MAML2: variants seen among roughly 807,000 people sequenced by gnomAD.
MAML2 encodes mastermind-like protein 2.
Under a neutral mutation model 96.1 loss-of-function variants are expected in MAML2, and 22 were observed. The observed-to-expected ratio is 0.23, with a 90% CI of 0.16 to 0.33. The LOEUF (loss-of-function observed/expected upper bound fraction) is 0.33, where lower values mean the gene tolerates loss of function less well. Ranked by LOEUF, MAML2 falls within the 10% of genes least tolerant of loss-of-function variation. The pLI, the probability that MAML2 is intolerant of heterozygous loss-of-function variation, is 1.00. For missense variants in MAML2, 1,367 were observed against 1,392.4 expected (o/e 0.98, Z 0.29); for synonymous variants, 561 against 521.3 (o/e 1.08, Z -1.04).
At chr11:96,142,409 A>G (rs1021877135) in intron 1 of MAML2, among the ~76,000 whole-genome samples, 5 of 152,200 alleles carry the variant, frequency 3.3e-5, no homozygotes, top group African/African-American at 9.6e-5. Context: ...TTAAACTGGT[A>G]TGACTGGAAA....
intron 1 of MAML2, among the ~76,000 whole-genome samples, chr11:96,206,648 G>A (rs1861900342): frequency 1.3e-5 from 2 of 152,146 alleles, no homozygotes; most frequent in Non-Finnish European, 1.5e-5. Flanking sequence ...GGTTCATCAG[G>A]AAACCCATTT....
At chr11:96,297,319 A>G (rs948849294) in intron 1 of MAML2, among the ~76,000 whole-genome samples, 1 of 152,226 alleles carries the variant, frequency 6.6e-6, no homozygotes, top group Non-Finnish European at 1.5e-5. Context: ...TTATGCCTAT[A>G]ATCCCAGCAC....
intron 1 of MAML2, among the ~76,000 whole-genome samples, chr11:96,119,588 A>G (rs1860300619): frequency 6.6e-6 from 1 of 152,210 alleles, no homozygotes; most frequent in Non-Finnish European, 1.5e-5. Flanking sequence ...TATGGCAACA[A>G]TAGGAAACTA....
At chr11:96,197,347 C>T (rs1861747044) in intron 1 of MAML2, among the ~76,000 whole-genome samples, 1 of 152,124 alleles carries the variant, frequency 6.6e-6, no homozygotes, top group African/African-American at 2.4e-5. Context: ...AGCTGTAAAT[C>T]CAGCCTTAGT....
intron 2 of MAML2, among the ~76,000 whole-genome samples, chr11:96,011,823 T>C (rs1858271616): frequency 6.6e-6 from 1 of 152,234 alleles, no homozygotes; most frequent in African/African-American, 2.4e-5. Context: ...CCAAGACATA[T>C]TCCCACCTCT....
intron 1 of MAML2, among the ~76,000 whole-genome samples, chr11:96,166,083 T>G (rs1177173160): frequency 1.3e-5 from 2 of 151,968 alleles, no homozygotes; most frequent in Non-Finnish European, 2.9e-5. Context: ...TCTCTCGCTC[T>G]CTCTCTCTGT....
intron 1 of MAML2, among the ~76,000 whole-genome samples, chr11:96,207,010 A>G (rs573579875): frequency 7.2e-5 from 11 of 152,376 alleles, no homozygotes; most frequent in Admixed American, 5.9e-4. Context: ...GCAAAAACGC[A>G]GTAAATTTAA....
intron 1 of MAML2, among the ~76,000 whole-genome samples, chr11:96,255,102 T>C (rs1015929214): frequency 6.6e-6 from 1 of 152,082 alleles, no homozygotes; most frequent in Non-Finnish European, 1.5e-5. Context: ...AGTGCTGGGA[T>C]TACAGGCGCA....
At position 96,091,886 on chromosome 11, in the gene MAML2, C is replaced by T. The variant is rs1478364045; in HGVS notation, c.2139+6G>A. Reference sequence around the variant, plus strand: ...AACTCTGTATTTGGAGTAGTAGAGCCCTTACCTGTCTCTGTTGTTGGGAGA... The same window carrying T: ...AACTCTGTATTTGGAGTAGTAGAGCTCTTACCTGTCTCTGTTGTTGGGAGA... On this transcript the variant is annotated splice_donor_region_variant and intron_variant, in intron 2 of 4. Coordinates refer to ENST00000524717, the MANE Select transcript of MAML2 (RefSeq NM_032427.4). 1 of 1,611,054 alleles carries T rather than the reference C, an allele frequency of 6.2e-7. No homozygotes were observed. Among genetic ancestry groups the T allele is most frequent in the South Asian group, 1.1e-5 (1 of 90,278 alleles).
At chr11:96,277,164 T>G (rs12576734) in intron 1 of MAML2, among the ~76,000 whole-genome samples, 52,083 of 152,100 alleles carry the variant, frequency 0.34, 9,662 homozygotes, top group East Asian at 0.51. Context: ...AGAAAAGGCA[T>G]GTAGAGGATA....
chr11:96,249,417 C>G (rs538034718), intron 1 of MAML2, among the ~76,000 whole-genome samples: 1 of 152,246 alleles, frequency 6.6e-6, no homozygotes, highest in South Asian at 2.1e-4. Context: ...TTCCAGCTTA[C>G]TTATTCCCCT....
chr11:96,224,151 C>T (rs1472994059), intron 1 of MAML2, among the ~76,000 whole-genome samples: 1 of 152,120 alleles, frequency 6.6e-6, no homozygotes, highest in African/African-American at 2.4e-5. Flanking sequence ...CACCCACACC[C>T]AGAAGGTTTA....
chr11:96,308,770 G>A (rs1002025102), intron 1 of MAML2, among the ~76,000 whole-genome samples: 1 of 152,146 alleles, frequency 6.6e-6, no homozygotes, highest in Admixed American at 6.5e-5. Context: ...TTGTTTGCTT[G>A]TTTCTTATAT....
chr11:96,093,542 G>C, intron 1 of MAML2, 25 bp from the exon 2 acceptor site: 1 of 1,449,730 alleles, frequency 6.9e-7, no homozygotes, highest in South Asian at 1.3e-5. Flanking sequence ...GGAATAAAAA[G>C]GAAAAATAAG....
chr11:96,264,067 T>C (rs974382486), intron 1 of MAML2, among the ~76,000 whole-genome samples: 1 of 152,234 alleles, frequency 6.6e-6, no homozygotes, highest in Non-Finnish European at 1.5e-5. Flanking sequence ...AAGCCAAGTA[T>C]GGACTAGAGT....
intron 1 of MAML2, among the ~76,000 whole-genome samples, chr11:96,161,151 G>A (rs1468806497): frequency 6.6e-6 from 1 of 152,208 alleles, no homozygotes; most frequent in African/African-American, 2.4e-5. Flanking sequence ...AGGAGAGTGG[G>A]AAGTGTCCCT....
intron 2 of MAML2, among the ~76,000 whole-genome samples, chr11:96,021,948 G>C (rs1858442865): frequency 6.6e-6 from 1 of 152,108 alleles, no homozygotes; most frequent in Non-Finnish European, 1.5e-5. Flanking sequence ...TGAAAGTAAG[G>C]CTTTGCCTCT....
At chr11:96,274,172 T>A (rs1029245995) in intron 1 of MAML2, among the ~76,000 whole-genome samples, 1 of 143,366 alleles carries the variant, frequency 7.0e-6, no homozygotes, top group African/African-American at 2.5e-5. Context: ...AAGCTCCGCC[T>A]CGCGGGTTCA....
At chr11:96,023,355 C>T (rs1178413583) in intron 2 of MAML2, among the ~76,000 whole-genome samples, 3 of 152,144 alleles carry the variant, frequency 2.0e-5, no homozygotes, top group Non-Finnish European at 4.4e-5. Flanking sequence ...TCTGGAGGAC[C>T]TCCTTTTTCT....
Sources: allele counts gnomAD v4.1 joint callset (sites outside exome capture counted in the v4.1 genomes callset), GRCh38; gene constraint gnomAD v4.1.1; transcripts MANE v1.5; gene names NCBI Gene and HGNC (gene_info 2026-07-23, HGNC 2026-07-21).